Variants in CFAP61 observed in about 807,000 individuals in gnomAD.
CFAP61 encodes the protein cilia- and flagella-associated protein 61.
In CFAP61, 107 loss-of-function variants were observed where a neutral mutation model predicts 135.6. The observed-to-expected ratio is 0.79, with a 90% CI of 0.67 to 0.93. CFAP61 has a LOEUF of 0.93. Among genes scored for constraint, CFAP61 ranks in the 40% least tolerant of loss-of-function variants. The pLI is 0.00. For missense variants in CFAP61, 1,507 were observed against 1,556.2 expected, an observed-to-expected ratio of 0.97 and a Z score of 0.53; for synonymous variants, 575 against 578.5, an observed-to-expected ratio of 0.99 and a Z score of 0.09.
In CFAP61 at chr20:20,298,304, A is replaced by G. The variant is rs139951754; in HGVS notation, c.3340A>G (p.Ile1114Val). 1.1e-5 allele frequency: 18 copies of G among 1,613,972 alleles called. No individual in the cohort carries two copies. The highest frequency in any genetic ancestry group is 1.4e-5 in the Non-Finnish European group (16 of 1,180,024). ...GGAGCCCTTCCCCGCCTCCAACTACATCCGCTTGTTTGGCCAGCACGAGCA... is the reference window on the plus strand; with the variant it reads ...GGAGCCCTTCCCCGCCTCCAACTACGTCCGCTTGTTTGGCCAGCACGAGCA... Reference protein sequence around the residue: ...SREPFPASNYIRLFGQHEQLL... With the variant: ...SREPFPASNYVRLFGQHEQLL... The change falls in exon 25 of 27, where the codon ATC (isoleucine) becomes GTC (valine). Residue 1114 changes from isoleucine to valine, a missense_variant. Transcript: ENST00000245957.
At chr20:20,306,919 C>T (rs550674244) in intron 25 of CFAP61, among the ~76,000 whole-genome samples, 98 of 152,316 alleles carry the variant, frequency 6.4e-4, no homozygotes, top group African/African-American at 1.9e-3. Context: ...TGAAACAAAT[C>T]ATATAGTGTG....
At chr20:20,111,951 A>G (rs79462810) in intron 8 of CFAP61, among the ~76,000 whole-genome samples, 2,439 of 152,306 alleles carry the variant, frequency 0.016, 72 homozygotes, top group African/African-American at 0.056. Flanking sequence ...ATAATCTCAA[A>G]GTTATTTATG....
chr20:20,305,096 C>T (rs1052227049), intron 25 of CFAP61, among the ~76,000 whole-genome samples: 1 of 152,174 alleles, frequency 6.6e-6, no homozygotes, highest in African/African-American at 2.4e-5. Flanking sequence ...CCTCAGACAG[C>T]CCGGCCCTCG....
At chr20:20,069,683 T>A (rs561976662) in intron 2 of CFAP61, 1 of 451,362 alleles carries the variant, frequency 2.2e-6, no homozygotes, top group African/African-American at 2.0e-5. Context: ...TGGTTGGTTA[T>A]CAATGGAAGG....
intron 26 of CFAP61, among the ~76,000 whole-genome samples, chr20:20,357,207 A>G (rs62200221): frequency 3.4e-4 from 16 of 47,080 alleles, no homozygotes; most frequent in South Asian, 1.7e-3. Flanking sequence ...GTGAGGAGGT[A>G]GTCACACTGA....
intron 8 of CFAP61, among the ~76,000 whole-genome samples, chr20:20,122,148 TTTGTTGTTGTTG>T (rs150838690): frequency 1.3e-5 from 2 of 149,828 alleles, no homozygotes; most frequent in African/African-American, 2.5e-5. Flanking sequence ...GTCATTCTTT[TTTGTTGTTGTTG>T]TTGTTGTTGT....
In CFAP61 at chr20:20,246,175, A is replaced by C. The variant is rs2050440409; in HGVS notation, c.2119A>C (p.Lys707Gln). 1 of 1,613,764 alleles carries C rather than the reference A, an allele frequency of 6.2e-7. No individual in the cohort carries two copies. The highest frequency in any genetic ancestry group is 1.3e-5 in the African/African-American group (1 of 74,936). The change falls in exon 19 of 27, where the codon AAA becomes CAA. Residue 707 changes from lysine to glutamine, a missense_variant. By Grantham distance (53) the Lys-to-Gln change is moderately conservative. Transcript: ENST00000245957. Reference protein sequence around the residue: ...LISTHGLPGKKLLDTEQRKFL... With the variant: ...LISTHGLPGKQLLDTEQRKFL... ...TTCAACTCATGGACTCCCAGGAAAA[A>C]AACTTCTGGACACTGAACAAAGGAA...
chr20:20,353,614 C>T (rs1441276649), intron 26 of CFAP61, among the ~76,000 whole-genome samples: 1 of 152,178 alleles, frequency 6.6e-6, no homozygotes, highest in Non-Finnish European at 1.5e-5. Flanking sequence ...GTCGGAACTT[C>T]ACTCTTGTTC....
At chr20:20,271,389 T>A (rs978977120) in intron 21 of CFAP61, among the ~76,000 whole-genome samples, 1 of 152,214 alleles carries the variant, frequency 6.6e-6, no homozygotes, top group African/African-American at 2.4e-5. Flanking sequence ...AAGTGGGGAA[T>A]TGACAGCTCA....
chr20:20,271,858 A>G (rs1024428367), intron 21 of CFAP61, among the ~76,000 whole-genome samples: 1 of 152,196 alleles, frequency 6.6e-6, no homozygotes, highest in Non-Finnish European at 1.5e-5. Flanking sequence ...CTGTTAGGTA[A>G]GCTGATCTGG....
intron 21 of CFAP61, among the ~76,000 whole-genome samples, chr20:20,268,325 A>T (rs929948278): frequency 6.6e-6 from 1 of 152,170 alleles, no homozygotes; most frequent in Non-Finnish European, 1.5e-5. Flanking sequence ...AAGCCCAGGG[A>T]TGTGAGGGGA....
At chr20:20,098,919 T>C (rs2047797617) in intron 8 of CFAP61, 105 bp downstream of exon 8, 2 of 991,756 alleles carry the variant, frequency 2.0e-6, no homozygotes, top group Non-Finnish European at 2.9e-6. Context: ...TTATATTTCC[T>C]TCCCCAGTTC....
chr20:20,147,663 T>A (rs2146764743), intron 9 of CFAP61, among the ~76,000 whole-genome samples: 1 of 152,382 alleles, frequency 6.6e-6, no homozygotes, highest in East Asian at 1.9e-4. Flanking sequence ...GTACATAGTT[T>A]GCAAATATTT....
chr20:20,110,561 T>C (rs2048729046), intron 8 of CFAP61, among the ~76,000 whole-genome samples: 1 of 152,186 alleles, frequency 6.6e-6, no homozygotes, highest in South Asian at 2.1e-4. Flanking sequence ...AAAAAGACTT[T>C]TAAACATTGG....
At chr20:20,197,380 C>T (rs537108967) in intron 16 of CFAP61, among the ~76,000 whole-genome samples, 50 of 152,258 alleles carry the variant, frequency 3.3e-4, no homozygotes, top group Admixed American at 6.5e-4. Flanking sequence ...GATAGCAAGT[C>T]CTCCATCTTA....
chr20:20,296,341 T>TTCCCTCCTTCCATCCCTTCCTTCCA (rs2055571373), intron 24 of CFAP61, among the ~76,000 whole-genome samples: 1 of 69,480 alleles, frequency 1.4e-5, no homozygotes, highest in Non-Finnish European at 2.9e-5. Flanking sequence ...CCTTCCTTCC[T>TTCCCTCCTTCCATCCCTTCCTTCCA]TGCTTCCTTC....
At chr20:20,069,597 A>G (rs1439716417) in intron 2 of CFAP61, 1 of 334,588 alleles carries the variant, frequency 3.0e-6, no homozygotes, top group East Asian at 8.4e-5. Context: ...TTTTAAAAAC[A>G]CACGATGTAC....
rs574527335 is a variant in CFAP61 at position 20,243,902 on chromosome 20, C to T, written c.2061-2215C>T. ...AGGCATTGGGTAAATACAGCCATTC[C>T]AAATTGGAGAAATTGGCCAAAACAA... On this transcript the variant is annotated intron_variant, in intron 18 of 26. Transcript: ENST00000245957. 9.2e-5 allele frequency among the ~76,000 whole-genome samples: 14 copies of T among 152,254 alleles called. No homozygotes were observed. In the South Asian group the frequency reaches 2.7e-3, roughly 29 times the overall value.
intron 8 of CFAP61, among the ~76,000 whole-genome samples, chr20:20,129,388 A>G (rs900437004): frequency 3.3e-5 from 5 of 151,824 alleles, no homozygotes; most frequent in South Asian, 2.1e-4. Context: ...TGAAAATGTC[A>G]TCTCACTCCC....
Sources: allele counts gnomAD v4.1 joint callset (sites outside exome capture counted in the v4.1 genomes callset), GRCh38; gene constraint gnomAD v4.1.1; transcripts MANE v1.5; gene names NCBI Gene and HGNC (gene_info 2026-07-23, HGNC 2026-07-21).